Variants in SOX30 observed in about 807,000 individuals in gnomAD.
The protein encoded by SOX30 is transcription factor SOX-30.
A neutral mutation model predicts 58.6 loss-of-function variants in SOX30; 17 were observed. That is an observed-to-expected ratio of 0.29 (90% CI 0.20 to 0.44). The LOEUF is 0.44. Ranked by LOEUF, SOX30 falls within the 20% of genes least tolerant of loss-of-function variation. The probability of loss-of-function intolerance (pLI) is 1.00; values close to 1 mark genes in which losing one functional copy is unlikely to be tolerated. For synonymous variants in SOX30, 421 were observed against 400.2 expected (o/e 1.05, Z -0.62); for missense variants, 951 against 965.8 (o/e 0.98, Z 0.20).
chr5:157,668,333 A>C (rs1464452240), intron 1 of SOX30, among the ~76,000 whole-genome samples: 1 of 152,172 alleles, frequency 6.6e-6, no homozygotes, highest in Non-Finnish European at 1.5e-5. Context: ...AATGTGAAGG[A>C]TTCAGAATTT....
rs968161923 is a variant in SOX30, at chr5:157,649,517, C to T, written c.968-621G>A. On this transcript the variant is annotated intron_variant, in intron 1 of 4. Transcript: ENST00000265007. ...TAAAAATAATTTTTTGGGCCAGGTACGGTGGCTCACGCCTGTAATCCCAGC... is the reference window on the plus strand; with the variant it reads ...TAAAAATAATTTTTTGGGCCAGGTATGGTGGCTCACGCCTGTAATCCCAGC... Among the ~76,000 whole-genome samples, 10 of 152,280 alleles carry T rather than the reference C, an allele frequency of 6.6e-5. No individual in the cohort carries two copies. In the East Asian group the frequency reaches 9.6e-4, roughly 15 times the overall value.
At position 157,651,897 on chromosome 5, in the gene SOX30, G is replaced by C. The variant is rs200130461; in HGVS notation, c.182C>G (p.Ser61Cys). The C allele has an allele frequency of 2.4e-4, 364 of 1,534,694 alleles. 3 individuals carry two copies. The African/African-American group carries it at 3.5e-3, about 15-fold the overall frequency. ...LASSCGEAVA[S>C]GLQPAVRRLL... ...CCGCCGCACCGCGGGCTGTAAGCCG[G>C]ACGCCACTGCCTCCCCGCACGACGA... The change falls in exon 1 of 5, where the codon TCC (serine) becomes TGC (cysteine). Residue 61 changes from serine to cysteine, a missense_variant. Transcript: ENST00000265007.
exon 1 of SOX30, chr5:157,671,339 C>A (rs1759781752): frequency 2.0e-6 from 1 of 491,184 alleles, no homozygotes; most frequent in South Asian, 3.1e-5. Context: ...CCGCACCCCA[C>A]TTCTTCCAGA....
intron 3 of SOX30, among the ~76,000 whole-genome samples, chr5:157,644,891 G>T (rs1267825031): frequency 6.6e-6 from 1 of 152,174 alleles, no homozygotes; most frequent in Non-Finnish European, 1.5e-5. Flanking sequence ...TGAGGTGGGA[G>T]AACTGCTTGA....
At chr5:157,663,568 C>G (rs1411109547) in intron 2 of SOX30, among the ~76,000 whole-genome samples, 50 of 149,454 alleles carry the variant, frequency 3.3e-4, no homozygotes, top group African/African-American at 1.1e-3. Flanking sequence ...TCTCTCACCA[C>G]TCCTATTCAA....
At chr5:157,630,911 A>G (rs1216887657) in intron 4 of SOX30, among the ~76,000 whole-genome samples, 1 of 134,360 alleles carries the variant, frequency 7.4e-6, no homozygotes, top group African/African-American at 2.8e-5. Context: ...TAAAAAATAT[A>G]TAATATCTAT....
intron 4 of SOX30, among the ~76,000 whole-genome samples, chr5:157,633,732 T>G (rs1271172112): frequency 1.3e-5 from 2 of 152,136 alleles, no homozygotes; most frequent in African/African-American, 4.8e-5. Flanking sequence ...AATTTTACAA[T>G]TTAGATGCTA....
intron 4 of SOX30, among the ~76,000 whole-genome samples, chr5:157,637,491 G>A (rs1057393982): frequency 6.6e-6 from 1 of 152,050 alleles, no homozygotes; most frequent in South Asian, 2.1e-4. Context: ...AATATCAGGC[G>A]TACTATACTC....
At chr5:157,652,659 T>G (rs1561587558), upstream of SOX30, among the ~76,000 whole-genome samples, 1 of 152,246 alleles carries the variant, frequency 6.6e-6, no homozygotes, top group Non-Finnish European at 1.5e-5. Flanking sequence ...GGGAGGATCT[T>G]CGACTTTGTG....
In SOX30 at chr5:157,651,295, A is replaced by G. The variant is rs1759326541; in HGVS notation, c.784T>C (p.Leu262=). 1 of 1,614,114 alleles carries G rather than the reference A, an allele frequency of 6.2e-7. No homozygotes were observed. The highest frequency in any genetic ancestry group is 8.5e-7 in the Non-Finnish European group (1 of 1,180,030). The change falls in exon 1 of 5, where the codon TTG becomes CTG. Residue 262 remains leucine, a synonymous_variant. Coordinates refer to ENST00000265007, the MANE Select transcript of SOX30 (RefSeq NM_178424.2). ...GPHQQDLRIP[L]TLHTVPPGAR... ...CCAGGGGGGACCGTGTGGAGCGTCA[A>G]AGGGATCCTAAGGTCTTGCTGGTGC... is the stretch of plus-strand genomic sequence containing the variant.
Position 157,626,377 on chromosome 5 carries a change from T to C in SOX30, c.2225A>G (p.Asp742Gly), listed in dbSNP as rs1758653318. The change falls in exon 5 of 5, where the codon GAT (aspartate) becomes GGT (glycine). Residue 742 changes from aspartate to glycine, a missense_variant. This residue lies in a region of SOX30 where 381 missense variants were observed against 390.0 expected (regional missense o/e 0.98). Transcript: ENST00000265007. ...GAGCACTTTTTCTTCTTCCTCCTCA[T>C]CACTGTCGGTGACATTGACTTGCTG... is the stretch of plus-strand genomic sequence containing the variant. ...SIQQVNVTDS[D>G]EEEEEKVLRD... The C allele has an allele frequency of 1.2e-6, 2 of 1,613,562 alleles. No homozygotes were observed. Among genetic ancestry groups the C allele is most frequent in the African/African-American group, 2.7e-5 (2 of 74,902 alleles).
chr5:157,626,125 C>A lies in SOX30; in HGVS notation c.*215G>T. ...GCAAATTTCAGCCATTAAAATTAAA[C>A]TACTTAATAACTTAAATATTCCTAC... On this transcript the variant is annotated 3_prime_UTR_variant, in exon 5 of 5. Coordinates refer to ENST00000265007, the MANE Select transcript of SOX30 (RefSeq NM_178424.2). The A allele has an allele frequency of 2.2e-6, 1 of 450,148 alleles. No homozygotes were observed. The highest frequency in any genetic ancestry group is 4.6e-5 in the South Asian group (1 of 21,532). The allele number at this position is 450,148 out of a possible 1,614,324, so 27.9% of individuals were successfully genotyped here. A position where few individuals can be genotyped will look rare whatever the true frequency, so the allele number is the denominator to read the frequency against.
In SOX30 at chr5:157,652,061, G is replaced by A. The variant is rs1214659235; in HGVS notation, c.18C>T (p.Pro6=). 9 of 1,422,010 alleles carry A rather than the reference G, an allele frequency of 6.3e-6. No homozygotes were observed. Among genetic ancestry groups the A allele is most frequent in the African/African-American group, 3.0e-5 (2 of 66,826 alleles). The allele number at this position is 1,422,010 out of a possible 1,614,324, so 88.1% of individuals were successfully genotyped here. A position where few individuals can be genotyped will look rare whatever the true frequency, so the allele number is the denominator to read the frequency against. Residue 6 remains proline (P), a synonymous_variant, in exon 1 of 5, where the codon CCC becomes CCT. Coordinates refer to ENST00000265007, the MANE Select transcript of SOX30 (RefSeq NM_178424.2). The stretch of plus-strand genomic sequence containing the variant: ...ACGGGCGCGGCTGAGGCGGCGGCTC[G>A]GGTCTGGCTCTCTCCATGGGGGAGG... The part of the protein sequence containing the change: MERAR[P]EPPPQPRPLR...
intron 2 of SOX30, among the ~76,000 whole-genome samples, chr5:157,660,993 A>AT (rs1255279708): frequency 6.6e-6 from 1 of 152,126 alleles, no homozygotes; most frequent in African/African-American, 2.4e-5. Context: ...ATGTTTTATA[A>AT]TTTTCAGTGT....
intron 1 of SOX30, among the ~76,000 whole-genome samples, chr5:157,668,939 G>T (rs1361029986): frequency 6.6e-6 from 1 of 152,188 alleles, no homozygotes; most frequent in East Asian, 1.9e-4. Context: ...CATTTGTAAA[G>T]TGAGAATGGG....
intron 3 of SOX30, among the ~76,000 whole-genome samples, chr5:157,639,441 T>C (rs1759009783): frequency 6.6e-6 from 1 of 152,150 alleles, no homozygotes; most frequent in Non-Finnish European, 1.5e-5. Context: ...ATTACTTCAC[T>C]CTATTGTATT....
chr5:157,649,894 G>T (rs532874305), intron 1 of SOX30, among the ~76,000 whole-genome samples: 1 of 152,128 alleles, frequency 6.6e-6, no homozygotes, highest in East Asian at 1.9e-4. Flanking sequence ...GAAAAAAAAT[G>T]ACAGAAAATA....
At chr5:157,642,641 A>T (rs966595733) in intron 3 of SOX30, among the ~76,000 whole-genome samples, 1 of 152,088 alleles carries the variant, frequency 6.6e-6, no homozygotes, top group African/African-American at 2.4e-5. Flanking sequence ...AACTGGCAAA[A>T]AAATAAATAA....
chr5:157,650,824 C>T (rs947916128), intron 1 of SOX30, among the ~76,000 whole-genome samples: 3 of 152,146 alleles, frequency 2.0e-5, no homozygotes, highest in African/African-American at 4.8e-5. Flanking sequence ...GAGGGCTATG[C>T]GCTGTCTAGC....
Sources: gnomAD v4.1 joint callset for allele counts (sites outside exome capture counted in the v4.1 genomes callset) on GRCh38, gnomAD v4.1.1 for gene constraint, gnomAD v4.1.1 regional missense constraint, MANE v1.5 for transcripts, NCBI Gene and HGNC (gene_info 2026-07-23, HGNC 2026-07-21) for gene names.